The following BECN1 variants were observed in gnomAD, a reference collection of about 807,000 sequenced individuals.
The protein encoded by BECN1 is beclin-1.
A neutral mutation model predicts 60.1 loss-of-function variants in BECN1; 15 were observed. That is an observed-to-expected ratio of 0.25 (90% CI 0.17 to 0.38). The LOEUF (loss-of-function observed/expected upper bound fraction) is 0.38. Ranked by LOEUF, BECN1 falls within the 10% of genes least tolerant of loss-of-function variation. The pLI, the probability that BECN1 is intolerant of heterozygous loss-of-function variation, is 1.00. For missense variants in BECN1, 424 were observed against 548.2 expected, an observed-to-expected ratio of 0.77 and a Z score of 2.26; for synonymous variants, 179 against 201.8, an observed-to-expected ratio of 0.89 and a Z score of 0.96.
intron 2 of BECN1, 80 bp downstream of exon 2, chr17:42,823,668 C>A: frequency 6.5e-7 from 1 of 1,542,114 alleles, no homozygotes; most frequent in African/African-American, 1.4e-5. Flanking sequence ...GCAGACTACA[C>A]AGCCACCATA....
intron 5 of BECN1, 31 bp downstream of exon 5, chr17:42,818,753 CCTA>C (rs1307080443): frequency 6.2e-7 from 1 of 1,613,822 alleles, no homozygotes; most frequent in African/African-American, 1.3e-5. Flanking sequence ...CCCAGCCAGG[CCTA>C]CTGCTTGCCA....
chr17:42,816,880 G>C (rs1020250311), intron 7 of BECN1, among the ~76,000 whole-genome samples: 2 of 152,208 alleles, frequency 1.3e-5, no homozygotes, highest in African/African-American at 4.8e-5. Context: ...TGAGGTAGGA[G>C]AATCGCTTGA....
Position 42,810,828 on chromosome 17 carries a change from G to A in BECN1, c.1285C>T (p.Leu429Phe). ...FNSEEQWTKA[L>F]KFMLTNLKWG... The stretch of plus-strand genomic sequence containing the variant: ...TTAAGATTCGTCAGCATGAACTTGA[G>A]AGCTTTTGTCCACTGCTCCTCAGAG... The change falls in exon 12 of 12, where the codon CTC becomes TTC. Residue 429 changes from leucine (L) to phenylalanine (F), a missense_variant. Leu to Phe is a conservative substitution (Grantham distance 22). Coordinates refer to ENST00000590099, the MANE Select transcript of BECN1 (RefSeq NM_001313998.2). The A allele has an allele frequency of 6.2e-7, 1 of 1,613,518 alleles. No homozygotes were observed. Among genetic ancestry groups the A allele is most frequent in the Non-Finnish European group, 8.5e-7 (1 of 1,179,754 alleles).
At chr17:42,816,231 GAACAGAAATGTCTC>G (rs1222668510) in intron 7 of BECN1, among the ~76,000 whole-genome samples, 177 bp from the exon 8 acceptor site, 1 of 152,192 alleles carries the variant, frequency 6.6e-6, no homozygotes, top group Non-Finnish European at 1.5e-5. Flanking sequence ...TGCCTGGAAG[GAACAGAAATGTCTC>G]AAATTCCAGC....
Position 42,819,538 on chromosome 17 carries a change from T to G in BECN1, c.260+10A>C. 1 of 1,613,214 alleles carries G rather than the reference T, an allele frequency of 6.2e-7. No homozygotes were observed. Among genetic ancestry groups the G allele is most frequent in the Non-Finnish European group, 8.5e-7 (1 of 1,179,788 alleles). On this transcript the variant is annotated intron_variant, in intron 4 of 11. Coordinates refer to ENST00000590099, the MANE Select transcript of BECN1 (RefSeq NM_001313998.2). ...TTGGCAAGGAATGGGGGCTGAGAAGTAGTAGGCACCTGGCTGGGGGGATGA... is the reference window on the plus strand; with the variant it reads ...TTGGCAAGGAATGGGGGCTGAGAAGGAGTAGGCACCTGGCTGGGGGGATGA...
intron 2 of BECN1, among the ~76,000 whole-genome samples, chr17:42,822,003 G>A (rs910063510): frequency 2.0e-4 from 31 of 152,290 alleles, no homozygotes; most frequent in African/African-American, 7.0e-4. Context: ...TCAAGAGATC[G>A]AGACCATCCT....
chr17:42,815,130 G>A (rs1464441634), intron 8 of BECN1: 1 of 162,084 alleles, frequency 6.2e-6, no homozygotes, highest in Non-Finnish European at 1.3e-5. Flanking sequence ...AAATGCTTCA[G>A]TGTCTCCTCT....
In BECN1 at chr17:42,818,758, T is replaced by C. The variant is rs373140306; in HGVS notation, c.351+29A>G. ...TACCCACTCTCCCAGCCAGGCCTACTGCTTGCCACCGGAATGGGGCCGACT... is the reference window on the plus strand; with the variant it reads ...TACCCACTCTCCCAGCCAGGCCTACCGCTTGCCACCGGAATGGGGCCGACT... On this transcript the variant is annotated intron_variant, in intron 5 of 11. Coordinates refer to ENST00000590099, the MANE Select transcript of BECN1 (RefSeq NM_001313998.2). 357 of 1,614,012 alleles carry C rather than the reference T, an allele frequency of 2.2e-4. 3 individuals are homozygous for C. The South Asian group carries it at 3.7e-3, about 17-fold the overall frequency.
chr17:42,814,450 G>T, intron 9 of BECN1, 74 bp downstream of exon 9: 1 of 1,579,606 alleles, frequency 6.3e-7, no homozygotes, highest in Non-Finnish European at 8.6e-7. Context: ...TGACATGGTG[G>T]ACAGCAGTAC....
At chr17:42,811,837 A>G in intron 10 of BECN1, 40 bp from the exon 11 acceptor site, 6 of 1,595,144 alleles carry the variant, frequency 3.8e-6, no homozygotes, top group Non-Finnish European at 5.1e-6. Context: ...TCTGGCACCA[A>G]GAAAGGCTTC....
In BECN1 at chr17:42,820,666, C is replaced by T. The variant is rs529551019; in HGVS notation, c.198+108G>A. On this transcript the variant is annotated intron_variant, in intron 3 of 11. Transcript: ENST00000590099. ...CCCAAAAGTCCGGGAGCTCTAGAAGCGCCAAGTAGCCTGCAGAAACCAAGC... is the reference window on the plus strand; with the variant it reads ...CCCAAAAGTCCGGGAGCTCTAGAAGTGCCAAGTAGCCTGCAGAAACCAAGC... The T allele has an allele frequency of 1.4e-4, 161 of 1,129,700 alleles. 1 individual carries two copies. The African/African-American group carries it at 1.8e-3, about 13-fold the overall frequency. 70.0% of individuals were successfully genotyped at this position (1,129,700 alleles called of 1,614,324 possible). A position where few individuals can be genotyped will look rare whatever the true frequency, so the allele number is the denominator to read the frequency against.
At chr17:42,816,649 CAAAAA>C (rs1312388751) in intron 7 of BECN1, among the ~76,000 whole-genome samples, 3 of 77,270 alleles carry the variant, frequency 3.9e-5, no homozygotes, top group South Asian at 4.1e-4. Context: ...GACTCTGTCT[CAAAAA>C]AAAAAAAAAA....
At chr17:42,819,273 A>G (rs974471613) in intron 4 of BECN1, 4 of 483,262 alleles carry the variant, frequency 8.3e-6, no homozygotes, top group Non-Finnish European at 3.7e-6. Flanking sequence ...ACTTCTCAAG[A>G]GCCCATCTCT....
rs2055194740 is a variant in BECN1, at chr17:42,818,607, T to C, written c.425A>G (p.Asp142Gly). The change falls in exon 6 of 12, where the codon GAT becomes GGT. Residue 142 changes from aspartate (D) to glycine (G), a missense_variant. Asp to Gly is a moderately conservative substitution (Grantham distance 94). Transcript: ENST00000590099. The part of the protein sequence containing the change: ...VDHPLCEECT[D>G]TLLDQLDTQL... Reference sequence around the variant, plus strand: ...AGTGTCCAGCTGGTCTAAAAGAGTATCTGTGCATTCCTCACAGAGTGGGTG... The same window carrying C: ...AGTGTCCAGCTGGTCTAAAAGAGTACCTGTGCATTCCTCACAGAGTGGGTG... The C allele has an allele frequency of 2.5e-6, 4 of 1,614,144 alleles. No individual in the cohort carries two copies. Among genetic ancestry groups the C allele is most frequent in the Non-Finnish European group, 3.4e-6 (4 of 1,180,018 alleles).
At chr17:42,822,115 A>G (rs1344673149) in intron 2 of BECN1, among the ~76,000 whole-genome samples, 1 of 152,172 alleles carries the variant, frequency 6.6e-6, no homozygotes, top group African/African-American at 2.4e-5. Context: ...ACGCAGGACA[A>G]TCACTTGAAC....
At chr17:42,823,930 T>G in intron 1 of BECN1, 51 bp from the exon 2 acceptor site, 2 of 1,592,634 alleles carry the variant, frequency 1.3e-6, no homozygotes, top group Middle Eastern at 1.7e-4. Flanking sequence ...GCCCTTGACC[T>G]CCGGCCCGGG....
chr17:42,824,162 G>A lies in BECN1; in HGVS notation c.-10C>T, dbSNP rs1230477712. The A allele has an allele frequency of 2.3e-6, 1 of 435,074 alleles. No homozygotes were observed. The highest frequency in any genetic ancestry group is 3.4e-5 in the East Asian group (1 of 29,128). 27.0% of individuals were successfully genotyped at this position (435,074 alleles called of 1,614,324 possible). ...GCCCCCGATGCTCTTCACCTCGGGA[G>A]CCCGGAGCCCGTCACCCAAGTCCGG... On this transcript the variant is annotated 5_prime_UTR_variant, in exon 1 of 12. Coordinates refer to ENST00000590099, the MANE Select transcript of BECN1 (RefSeq NM_001313998.2).
At chr17:42,821,819 T>C (rs1417713226) in intron 2 of BECN1, among the ~76,000 whole-genome samples, 1 of 152,170 alleles carries the variant, frequency 6.6e-6, no homozygotes, top group African/African-American at 2.4e-5. Context: ...ATATGGCTGA[T>C]TATTGAAGCT....
intron 11 of BECN1, chr17:42,811,150 A>C: frequency 2.4e-6 from 1 of 417,414 alleles, no homozygotes; most frequent in East Asian, 3.7e-5. Flanking sequence ...CACACACCCA[A>C]AGAGAAGAGA....
Sources: allele counts gnomAD v4.1 joint callset (sites outside exome capture counted in the v4.1 genomes callset), GRCh38; gene constraint gnomAD v4.1.1; transcripts MANE v1.5; gene names NCBI Gene and HGNC (gene_info 2026-07-23, HGNC 2026-07-21).